The following FTCDNL1 variants were observed in gnomAD, a reference collection of about 807,000 sequenced individuals.
FTCDNL1 encodes the protein formiminotransferase cyclodeaminase N-terminal like.
A neutral mutation model predicts 5.9 loss-of-function variants in FTCDNL1; 11 were observed. The observed-to-expected ratio is 1.87, with a 90% CI of 1.18 to 3.10. The LOEUF is 3.10. Among genes scored for constraint, FTCDNL1 ranks in the 30% most tolerant of loss-of-function variants. The pLI is 0.00. For synonymous variants in FTCDNL1, 58 were observed against 24.8 expected (o/e 2.34, Z -3.99); for missense variants, 115 against 65.5 (o/e 1.76, Z -2.61).
chr2:199,695,029 C>T, the FTCDNL1 span, among the ~76,000 whole-genome samples: 14 of 152,070 alleles, frequency 9.2e-5, no homozygotes, highest in African/African-American at 3.4e-4. Flanking sequence ...CAGGAAATGC[C>T]CTTTTCATAT....
chr2:199,775,974 C>T (rs976819949), intron 3 of FTCDNL1, among the ~76,000 whole-genome samples: 4 of 145,940 alleles, frequency 2.7e-5, no homozygotes, highest in Non-Finnish European at 4.5e-5. Flanking sequence ...AGTGCAGTGG[C>T]GCGATATCAG....
chr2:199,722,363 G>A, the FTCDNL1 span, among the ~76,000 whole-genome samples: 2 of 152,170 alleles, frequency 1.3e-5, no homozygotes, highest in South Asian at 2.1e-4. Flanking sequence ...AGTTCTCCCA[G>A]CACCATTTAT....
At chr2:199,666,793 T>C in the FTCDNL1 span, among the ~76,000 whole-genome samples, 17,921 of 151,584 alleles carry the variant, frequency 0.12, 1,450 homozygotes, top group Middle Eastern at 0.24. Flanking sequence ...TGCATGCCTG[T>C]AATCCCAGCT....
chr2:199,687,575 T>A, the FTCDNL1 span, among the ~76,000 whole-genome samples: 1 of 152,132 alleles, frequency 6.6e-6, no homozygotes, highest in Non-Finnish European at 1.5e-5. Context: ...CTTGAAAGTC[T>A]TTGCACCTGG....
exon 4 of FTCDNL1, chr2:199,760,815 A>G (rs1195225064): frequency 4.3e-6 from 3 of 702,282 alleles, no homozygotes; most frequent in East Asian, 5.4e-5. Context: ...ACTTGCCTTT[A>G]GGCTTGGTTG....
intron 3 of FTCDNL1, among the ~76,000 whole-genome samples, chr2:199,774,828 A>T (rs915726899): frequency 5.3e-5 from 8 of 152,190 alleles, no homozygotes; most frequent in Admixed American, 4.6e-4. Flanking sequence ...CTCCTCTGAC[A>T]TTCACAGTAT....
At chr2:199,779,720 T>C (rs1167609968) in intron 3 of FTCDNL1, among the ~76,000 whole-genome samples, 4 of 152,318 alleles carry the variant, frequency 2.6e-5, no homozygotes, top group Middle Eastern at 3.4e-3. Context: ...GTGGTTTGTG[T>C]ACCCCAGGTA....
At chr2:199,710,566 G>C in the FTCDNL1 span, among the ~76,000 whole-genome samples, 2 of 152,068 alleles carry the variant, frequency 1.3e-5, no homozygotes, top group Non-Finnish European at 2.9e-5. Flanking sequence ...AAAATAATGA[G>C]ATTCAACTGT....
the FTCDNL1 span, among the ~76,000 whole-genome samples, chr2:199,719,548 C>G: frequency 7.9e-5 from 12 of 152,146 alleles, no homozygotes; most frequent in Admixed American, 7.2e-4. Context: ...GTTGTTTTTT[C>G]TAATTCTGTG....
the FTCDNL1 span, among the ~76,000 whole-genome samples, chr2:199,745,366 GCTCT>G: frequency 1.3e-5 from 2 of 152,086 alleles, no homozygotes; most frequent in East Asian, 1.9e-4. Flanking sequence ...TTCTAACGTG[GCTCT>G]CTATTTGTCC....
intron 3 of FTCDNL1, among the ~76,000 whole-genome samples, chr2:199,803,602 C>G (rs988187576): frequency 4.6e-5 from 7 of 152,164 alleles, no homozygotes; most frequent in Admixed American, 6.5e-5. Context: ...GTAGCTGGGA[C>G]TACAAGCGTG....
intron 4 of FTCDNL1, among the ~76,000 whole-genome samples, chr2:199,816,703 T>A (rs981222789): frequency 6.6e-6 from 1 of 152,166 alleles, no homozygotes; most frequent in Non-Finnish European, 1.5e-5. Flanking sequence ...CTCCTTCAAG[T>A]CTTTGCTCTA....
chr2:199,697,627 G>A, the FTCDNL1 span, among the ~76,000 whole-genome samples: 1 of 152,034 alleles, frequency 6.6e-6, no homozygotes, highest in Non-Finnish European at 1.5e-5. Flanking sequence ...GATCCTTAAG[G>A]GAGTGCTAAA....
the FTCDNL1 span, among the ~76,000 whole-genome samples, chr2:199,733,102 G>A: frequency 6.6e-6 from 1 of 152,162 alleles, no homozygotes; most frequent in Non-Finnish European, 1.5e-5. Context: ...CCCCCAAAGA[G>A]GCTTCATGGA....
chr2:199,784,283 G>A (rs1457500286), intron 3 of FTCDNL1, among the ~76,000 whole-genome samples: 4 of 152,134 alleles, frequency 2.6e-5, no homozygotes, highest in Non-Finnish European at 2.9e-5. Flanking sequence ...TCAAATGCCT[G>A]AGATACTCCT....
chr2:199,771,569 C>T (rs1250272829), intron 3 of FTCDNL1, among the ~76,000 whole-genome samples: 1 of 152,136 alleles, frequency 6.6e-6, no homozygotes, highest in African/African-American at 2.4e-5. Context: ...CTCTCAGCCT[C>T]ATTAATTTCT....
At chr2:199,802,860 G>A (rs1233846547) in intron 3 of FTCDNL1, among the ~76,000 whole-genome samples, 3 of 152,070 alleles carry the variant, frequency 2.0e-5, no homozygotes, top group Admixed American at 6.6e-5. Flanking sequence ...CACAAAACTA[G>A]AAGCTAATAG....
chr2:199,696,504 C>T, the FTCDNL1 span, among the ~76,000 whole-genome samples: 1 of 152,266 alleles, frequency 6.6e-6, no homozygotes, highest in South Asian at 2.1e-4. Context: ...GTCCCAGTGC[C>T]CCAGGATGAC....
At chr2:199,707,027 C>T in the FTCDNL1 span, among the ~76,000 whole-genome samples, 2 of 152,232 alleles carry the variant, frequency 1.3e-5, no homozygotes, top group South Asian at 4.1e-4. Context: ...CTCAGATATA[C>T]TATTTTCATC....
Sources: allele counts gnomAD v4.1 joint callset (sites outside exome capture counted in the v4.1 genomes callset), GRCh38; gene constraint gnomAD v4.1.1; transcripts MANE v1.5; gene names NCBI Gene and HGNC (gene_info 2026-07-23, HGNC 2026-07-21).